Variants in C13orf46 observed in about 807,000 individuals in gnomAD.
C13orf46 encodes the protein chromosome 13 open reading frame 46.
At chr13:113,971,879 C>T (rs966236352) in intron 1 of C13orf46, among the ~76,000 whole-genome samples, 39 of 152,206 alleles carry the variant, frequency 2.6e-4, no homozygotes, top group African/African-American at 7.2e-5. Flanking sequence ...TGCTCTTCTC[C>T]GGCAGAATCT....
rs965416325 is a variant in C13orf46, at chr13:113,958,599, C to T, written c.573-1760G>A. Among the ~76,000 whole-genome samples, 9 of 152,366 alleles carry T rather than the reference C, an allele frequency of 5.9e-5. No homozygotes were observed. In the East Asian group the frequency reaches 1.2e-3, roughly 20 times the overall value. ...TTCTGCATGCGCCCAGCCCCCGCCG[C>T]CTGTCCAGGAACCGTGAACAGAAAC... On this transcript the variant is annotated intron_variant, in intron 6 of 6. Coordinates refer to ENST00000636427, the MANE Select transcript of C13orf46 (RefSeq NM_001365455.2).
chr13:113,946,379 T>C, the C13orf46 span, among the ~76,000 whole-genome samples: 1 of 152,176 alleles, frequency 6.6e-6, no homozygotes, highest in Non-Finnish European at 1.5e-5. Flanking sequence ...TCCCCCTCTG[T>C]GGTGGGGCAT....
intron 6 of C13orf46, among the ~76,000 whole-genome samples, chr13:113,959,769 ATC>A (rs1377105432): frequency 6.6e-6 from 1 of 152,248 alleles, no homozygotes. Context: ...TGTCCAAGTT[ATC>A]TCTCTTTTTA....
At chr13:113,965,733 G>A (rs1236245131) in intron 5 of C13orf46, among the ~76,000 whole-genome samples, 1 of 90,734 alleles carries the variant, frequency 1.1e-5, no homozygotes, top group Non-Finnish European at 2.0e-5. Context: ...TGATGATGGT[G>A]AAGGTGATGA....
chr13:113,944,348 G>T, the C13orf46 span, among the ~76,000 whole-genome samples: 2 of 152,212 alleles, frequency 1.3e-5, no homozygotes. Flanking sequence ...GCTCTGCTGA[G>T]GCCATCCTGC....
chr13:113,936,809 G>T, the C13orf46 span, among the ~76,000 whole-genome samples: 103,123 of 151,784 alleles, frequency 0.68, 35,700 homozygotes, highest in South Asian at 0.8. Context: ...CCGGTCCAGG[G>T]GGGGAAATCA....
intron 6 of C13orf46, among the ~76,000 whole-genome samples, chr13:113,961,524 G>C (rs1421688224): frequency 7.2e-6 from 1 of 138,014 alleles, no homozygotes; most frequent in Non-Finnish European, 1.6e-5. Flanking sequence ...TTTAACTGTG[G>C]CTGTTCTAAG....
intron 6 of C13orf46, among the ~76,000 whole-genome samples, chr13:113,963,259 G>T (rs2052603159): frequency 7.5e-6 from 1 of 132,866 alleles, no homozygotes; most frequent in African/African-American, 2.7e-5. Flanking sequence ...CCTGTCCTCA[G>T]CCTCGGCCCT....
downstream of C13orf46, among the ~76,000 whole-genome samples, chr13:113,952,239 G>A (rs1289828856): frequency 6.6e-6 from 1 of 152,176 alleles, no homozygotes; most frequent in East Asian, 1.9e-4. Flanking sequence ...GTGGCTGGAG[G>A]AACTGCGCCG....
chr13:113,959,099 A>G (rs1259604953), intron 6 of C13orf46, among the ~76,000 whole-genome samples: 2 of 152,112 alleles, frequency 1.3e-5, no homozygotes, highest in Non-Finnish European at 2.9e-5. Flanking sequence ...CAACATAGGG[A>G]GATCCCCATC....
At chr13:113,968,810 G>A (rs1057453265) in intron 2 of C13orf46, 50 bp from the exon 3 acceptor site, 19,157 of 152,438 alleles carry the variant, frequency 0.13, 1,672 homozygotes, top group Middle Eastern at 0.2. Flanking sequence ...AGATAGCTGC[G>A]GGCAGCTCCT....
chr13:113,946,979 T>A, the C13orf46 span, among the ~76,000 whole-genome samples: 1 of 152,222 alleles, frequency 6.6e-6, no homozygotes, highest in Non-Finnish European at 1.5e-5. Flanking sequence ...TGGTTACTGC[T>A]GGGGCTGTCT....
At chr13:113,971,510 T>C (rs765596022) in intron 1 of C13orf46, among the ~76,000 whole-genome samples, 10 of 152,226 alleles carry the variant, frequency 6.6e-5, no homozygotes, top group Non-Finnish European at 1.5e-4. Context: ...AGGGCCTCAG[T>C]GGGTCTGGAA....
At chr13:113,971,238 G>A (rs1191265238) in intron 1 of C13orf46, among the ~76,000 whole-genome samples, 1 of 152,200 alleles carries the variant, frequency 6.6e-6, no homozygotes, top group Non-Finnish European at 1.5e-5. Flanking sequence ...TGATTCCAAA[G>A]CTTTAAATGA....
the C13orf46 span, among the ~76,000 whole-genome samples, chr13:113,946,474 C>T: frequency 2.1e-3 from 319 of 152,324 alleles, 2 homozygotes; most frequent in Admixed American, 0.018. Flanking sequence ...ACAATGCTGG[C>T]GCAGGAGGAC....
rs2052534075 is a variant in C13orf46, at chr13:113,956,349, TCTGGTGGAGAGGAGGAGC to T, written c.*406_*423del. 1 of 117,688 alleles carries T rather than the reference TCTGGTGGAGAGGAGGAGC, an allele frequency of 8.5e-6. No individual in the cohort carries two copies. The highest frequency in any genetic ancestry group is 1.6e-5 in the Non-Finnish European group (1 of 60,772). 7.3% of individuals were successfully genotyped at this position (117,688 alleles called of 1,614,324 possible). A position where few individuals can be genotyped will look rare whatever the true frequency, so the allele number is the denominator to read the frequency against. The stretch of plus-strand genomic sequence containing the variant: ...TAGTATCTGGTGGAGAGGAGTAGTA[TCTGGTGGAGAGGAGGAGC>T]ATCTGGTGGAGAGGAGGAGCATCTG... On this transcript the variant is annotated 3_prime_UTR_variant, in exon 7 of 7. Transcript: ENST00000636427.
At chr13:113,971,766 G>A (rs542891990) in intron 1 of C13orf46, among the ~76,000 whole-genome samples, 1 of 152,354 alleles carries the variant, frequency 6.6e-6, no homozygotes, top group African/African-American at 2.4e-5. Flanking sequence ...TCTGCGAGGG[G>A]TGAGGAGCTG....
At chr13:113,972,272 C>CCT (rs1361364478) in intron 1 of C13orf46, among the ~76,000 whole-genome samples, 1 of 152,242 alleles carries the variant, frequency 6.6e-6, no homozygotes, top group African/African-American at 2.4e-5. Context: ...CTTGAGGGAA[C>CCT]CCCGTGGGGA....
At position 113,955,064 on chromosome 13, in the gene C13orf46, G is replaced by A. The variant is rs949735009; in HGVS notation, c.*1709C>T. 1.7e-4 allele frequency: 33 copies of A among 198,002 alleles called. No homozygotes were observed. Among genetic ancestry groups the A allele is most frequent in the East Asian group, 1.6e-3 (9 of 5,470 alleles). 12.3% of individuals were successfully genotyped at this position (198,002 alleles called of 1,614,324 possible). A position where few individuals can be genotyped will look rare whatever the true frequency, so the allele number is the denominator to read the frequency against. The stretch of plus-strand genomic sequence containing the variant: ...CTGGCGGAGAGGAGGAGCATCCGGC[G>A]GGGATGAGGAGCATCCAGTGGGGAT... On this transcript the variant is annotated 3_prime_UTR_variant, in exon 7 of 7. Transcript: ENST00000636427.
Sources: gnomAD v4.1 joint callset for allele counts (sites outside exome capture counted in the v4.1 genomes callset) on GRCh38, gnomAD v4.1.1 for gene constraint, MANE v1.5 for transcripts, NCBI Gene and HGNC (gene_info 2026-07-23, HGNC 2026-07-21) for gene names.